Variants in CUX2 observed in about 807,000 individuals in gnomAD.
CUX2 encodes the protein cut like homeobox 2.
A neutral mutation model predicts 144.8 loss-of-function variants in CUX2; 40 were observed. The observed-to-expected ratio is 0.28, with a 90% CI of 0.21 to 0.36. The LOEUF is 0.36. Among genes scored for constraint, CUX2 ranks in the 10% least tolerant of loss-of-function variants. The probability of loss-of-function intolerance (pLI) is 1.00; values close to 1 mark genes in which losing one functional copy is unlikely to be tolerated. For synonymous variants in CUX2, 827 were observed against 875.6 expected (o/e 0.94, Z 0.98); for missense variants, 1,615 against 1,994.0 (o/e 0.81, Z 3.62).
chr12:111,257,682 C>T (rs1164527826), intron 3 of CUX2, among the ~76,000 whole-genome samples: 1 of 135,816 alleles, frequency 7.4e-6, no homozygotes, highest in Non-Finnish European at 1.6e-5. Context: ...CCCTCTTCCT[C>T]CCTCCTCCTT....
At position 111,034,280 on chromosome 12, in the gene CUX2, C is replaced by T. The variant is rs1252939449; in HGVS notation, c.63+40C>T. The T allele has an allele frequency of 1.6e-5, 21 of 1,275,692 alleles. No homozygotes were observed. Among genetic ancestry groups the T allele is most frequent in the Non-Finnish European group, 2.2e-5 (21 of 975,580 alleles). The allele number at this position is 1,275,692 out of a possible 1,614,324, so 79.0% of individuals were successfully genotyped here. ...CGCCGGCCGCGCGGCCGTGAGGAGCCCCCGGGCGCGCCCTGGGCGCATTGG... is the reference window on the plus strand; with the variant it reads ...CGCCGGCCGCGCGGCCGTGAGGAGCTCCCGGGCGCGCCCTGGGCGCATTGG... On this transcript the variant is annotated intron_variant, in intron 1 of 21. Transcript: ENST00000261726. The surrounding 1 kb of genome is among the most constrained non-coding windows in gnomAD (Gnocchi z 4.2).
chr12:111,272,963 C>A (rs1884700985), intron 4 of CUX2, among the ~76,000 whole-genome samples: 1 of 152,186 alleles, frequency 6.6e-6, no homozygotes, highest in African/African-American at 2.4e-5. Context: ...AAAGGCCAGT[C>A]CCTTTCAGAA....
intron 16 of CUX2, among the ~76,000 whole-genome samples, chr12:111,317,079 C>T (rs1401178357): frequency 6.6e-6 from 1 of 152,100 alleles, no homozygotes; most frequent in African/African-American, 2.4e-5. Flanking sequence ...CTTTTTATGA[C>T]AAAATAATGT....
intron 3 of CUX2, among the ~76,000 whole-genome samples, chr12:111,226,747 C>T (rs534561744): frequency 1.3e-5 from 2 of 152,256 alleles, no homozygotes; most frequent in Non-Finnish European, 2.9e-5. Flanking sequence ...GTAAGCTTTC[C>T]GCCTGCAGAG....
intron 1 of CUX2, among the ~76,000 whole-genome samples, chr12:111,133,933 A>G (rs1875676221): frequency 6.6e-6 from 1 of 152,140 alleles, no homozygotes; most frequent in African/African-American, 2.4e-5. Flanking sequence ...ACCTGTCCCC[A>G]TCCTAACTTT....
At chr12:111,055,330 G>A (rs762354622) in intron 1 of CUX2, among the ~76,000 whole-genome samples, 1 of 152,324 alleles carries the variant, frequency 6.6e-6, no homozygotes, top group African/African-American at 2.4e-5. Flanking sequence ...TACACTGGGG[G>A]ACTAGGCCAA....
At chr12:111,205,065 G>A (rs1298951454) in intron 1 of CUX2, among the ~76,000 whole-genome samples, 2 of 152,164 alleles carry the variant, frequency 1.3e-5, no homozygotes, top group African/African-American at 4.8e-5. Flanking sequence ...CGCAGGGAGT[G>A]ATGGATGGCT....
intron 5 of CUX2, among the ~76,000 whole-genome samples, chr12:111,292,065 A>T (rs548554119): frequency 6.6e-6 from 1 of 152,312 alleles, no homozygotes; most frequent in East Asian, 1.9e-4. Flanking sequence ...CAGGCTCACC[A>T]CATGACCCAG....
chr12:111,127,917 A>C (rs149518851), intron 1 of CUX2, among the ~76,000 whole-genome samples: 1 of 152,156 alleles, frequency 6.6e-6, no homozygotes, highest in Non-Finnish European at 1.5e-5. Flanking sequence ...CTATCACAGT[A>C]TGGGGGAAAC....
intron 1 of CUX2, among the ~76,000 whole-genome samples, chr12:111,044,929 G>C (rs1196690265): frequency 6.6e-6 from 1 of 152,194 alleles, no homozygotes; most frequent in Non-Finnish European, 1.5e-5. Flanking sequence ...GGTGACCTCA[G>C]TTCCAACCTG....
At chr12:111,227,446 T>G (rs557297888) in intron 3 of CUX2, among the ~76,000 whole-genome samples, 1 of 152,244 alleles carries the variant, frequency 6.6e-6, no homozygotes, top group East Asian at 1.9e-4. Flanking sequence ...CAGGATTCGG[T>G]GCAGATCAAG....
intron 1 of CUX2, among the ~76,000 whole-genome samples, chr12:111,167,958 T>TGCTGGGATTACAGTTGTG (rs2136161799): frequency 6.6e-6 from 1 of 152,254 alleles, no homozygotes; most frequent in Admixed American, 6.5e-5. Context: ...CCTCCCAAAG[T>TGCTGGGATTACAGTTGTG]GCTGGGATTA....
At chr12:111,189,323 A>G (rs1879740349) in intron 1 of CUX2, among the ~76,000 whole-genome samples, 1 of 152,154 alleles carries the variant, frequency 6.6e-6, no homozygotes, top group South Asian at 2.1e-4. Flanking sequence ...CATCCCTTGT[A>G]CCCATTCTAG....
chr12:111,119,037 G>A (rs947346270), intron 1 of CUX2, among the ~76,000 whole-genome samples: 1 of 152,200 alleles, frequency 6.6e-6, no homozygotes, highest in Non-Finnish European at 1.5e-5. Flanking sequence ...TGCAAAATGG[G>A]TGATTTAATT....
chr12:111,326,777 A>T (rs1412629036), intron 18 of CUX2, among the ~76,000 whole-genome samples: 1 of 151,994 alleles, frequency 6.6e-6, no homozygotes, highest in Non-Finnish European at 1.5e-5. Context: ...GGTAGCACGC[A>T]TCTGTAATCC....
Position 111,263,322 on chromosome 12 carries a change from A to G in CUX2, c.223-439A>G, listed in dbSNP as rs1049199673. 6.6e-6 allele frequency among the ~76,000 whole-genome samples: 1 copy of G among 152,118 alleles called. No individual in the cohort carries two copies. The highest frequency in any genetic ancestry group is 1.5e-5 in the Non-Finnish European group (1 of 68,006). On this transcript the variant is annotated intron_variant, in intron 3 of 21. Transcript: ENST00000261726. The surrounding 1 kb of genome is among the most constrained non-coding windows in gnomAD (Gnocchi z 4.0). The stretch of plus-strand genomic sequence containing the variant: ...CTTAAACAAACAAGAAAAAAAATAC[A>G]TGGCCAGCCATGGTGGCTCATGCCT...
At chr12:111,328,984 T>TCTCTCTCTCTCCCTCC (rs1592975212) in intron 18 of CUX2, among the ~76,000 whole-genome samples, 1 of 93,032 alleles carries the variant, frequency 1.1e-5, no homozygotes, top group South Asian at 4.7e-4. Flanking sequence ...TCCCCCTCTC[T>TCTCTCTCTCTCCCTCC]CCCTCTCTCC....
At chr12:111,281,518 A>G (rs1885114940) in intron 4 of CUX2, among the ~76,000 whole-genome samples, 1 of 152,184 alleles carries the variant, frequency 6.6e-6, no homozygotes, top group Non-Finnish European at 1.5e-5. Flanking sequence ...CCCCACTGGG[A>G]AGTCGGCTGC....
intron 1 of CUX2, among the ~76,000 whole-genome samples, chr12:111,097,955 C>T (rs890182722): frequency 6.6e-6 from 1 of 152,184 alleles, no homozygotes; most frequent in African/African-American, 2.4e-5. Flanking sequence ...GGACTTTTCC[C>T]CGAGGCTCAG....
Sources: allele counts gnomAD v4.1 joint callset (sites outside exome capture counted in the v4.1 genomes callset), GRCh38; gene constraint gnomAD v4.1.1; non-coding constraint Gnocchi (gnomAD v3.1); transcripts MANE v1.5; gene names NCBI Gene and HGNC (gene_info 2026-07-23, HGNC 2026-07-21).